The following POLA1 variants were observed in gnomAD, a reference collection of about 807,000 sequenced individuals.
The protein encoded by POLA1 is DNA polymerase alpha 1, catalytic subunit, also known as DNA polymerase alpha catalytic subunit.
POLA1 carries 15 observed loss-of-function variants against 124.0 expected under a neutral mutation model. The observed-to-expected ratio is 0.12, with a 90% CI of 0.08 to 0.19. The LOEUF is 0.19. Among genes scored for constraint, POLA1 ranks in the 10% least tolerant of loss-of-function variants. POLA1 has a pLI of 1.00. For synonymous variants in POLA1, 408 were observed against 389.4 expected (o/e 1.05, Z -0.56); for missense variants, 886 against 1,103.4 (o/e 0.80, Z 2.79).
chrX:24,969,386 G>A (rs1295856834), intron 36 of POLA1, among the ~76,000 whole-genome samples: 1 of 110,372 alleles, frequency 9.1e-6, no homozygotes, highest in East Asian at 2.8e-4. Flanking sequence ...GCATCCCCAT[G>A]CACCCCAGGA....
chrX:24,788,699 G>T, intron 26 of POLA1: 1 of 1,204,358 alleles, frequency 8.3e-7, no homozygotes, highest in East Asian at 3.0e-5. Context: ...TTCATATTGT[G>T]CAAGACGTTC....
chrX:24,982,968 T>C lies in POLA1; in HGVS notation c.4262-12837T>C, dbSNP rs181388995. Reference sequence around the variant, plus strand: ...CATTTTAAAAATTATATAAATAAGCTATAATCTGTGCTCAAAATAATTGAG... The same window carrying C: ...CATTTTAAAAATTATATAAATAAGCCATAATCTGTGCTCAAAATAATTGAG... On this transcript the variant is annotated intron_variant, in intron 36 of 36. Coordinates refer to ENST00000379068, the MANE Select transcript of POLA1 (RefSeq NM_001330360.2). Among the ~76,000 whole-genome samples, 274 of 112,468 alleles carry C rather than the reference T, an allele frequency of 2.4e-3. 5 individuals carry two copies. Among genetic ancestry groups the C allele is most frequent in the Admixed American group, 0.024 (253 of 10,596 alleles).
intron 15 of POLA1, among the ~76,000 whole-genome samples, chrX:24,729,740 T>A (rs1930773566): frequency 2.7e-5 from 3 of 111,502 alleles, no homozygotes; most frequent in South Asian, 3.8e-4. Context: ...GGATCTTTTT[T>A]AACAGCATTT....
intron 26 of POLA1, among the ~76,000 whole-genome samples, chrX:24,774,385 A>G: frequency 8.9e-6 from 1 of 112,145 alleles, no homozygotes; most frequent in Non-Finnish European, 1.9e-5. Flanking sequence ...ACAAGAAAAT[A>G]GAAGATTGTT....
In POLA1 at chrX:24,720,686, CTTCT is replaced by C. The variant is rs760031818; in HGVS notation, c.1088-2459_1088-2456del. Reference sequence around the variant, plus strand: ...GATTAGAACCTTAAGAAGCAACAACCTTCTTTCTTTCTTATTTGAAAATGAGTTG... The same window carrying C: ...GATTAGAACCTTAAGAAGCAACAACCTTCTTTCTTATTTGAAAATGAGTTG... On this transcript the variant is annotated intron_variant, in intron 10 of 36. Transcript: ENST00000379068. Among the ~76,000 whole-genome samples, 4 of 111,950 alleles carry C rather than the reference CTTCT, an allele frequency of 3.6e-5. No individual in the cohort carries two copies. The East Asian group carries it at 1.1e-3, about 31-fold the overall frequency.
At chrX:24,728,055 T>G (rs1930652765) in intron 15 of POLA1, 119 bp downstream of exon 15, 1 of 496,716 alleles carries the variant, frequency 2.0e-6, no homozygotes, top group Non-Finnish European at 3.2e-6. Context: ...ACTAATTCAC[T>G]ACTAAACTCT....
At chrX:24,820,359 C>G (rs1425568714) in intron 30 of POLA1, among the ~76,000 whole-genome samples, 1 of 111,533 alleles carries the variant, frequency 9.0e-6, no homozygotes. Flanking sequence ...GCAGTCCACA[C>G]TTTGAGAACG....
At chrX:24,936,776 C>A (rs2047854160) in intron 36 of POLA1, among the ~76,000 whole-genome samples, 1 of 111,615 alleles carries the variant, frequency 9.0e-6, no homozygotes, top group African/African-American at 3.3e-5. Context: ...TGTGATCCAC[C>A]CGCCTCGGCC....
intron 36 of POLA1, among the ~76,000 whole-genome samples, chrX:24,934,635 A>G (rs780128560): frequency 8.9e-6 from 1 of 112,469 alleles, no homozygotes; most frequent in Admixed American, 9.4e-5. Flanking sequence ...TGCTATAACA[A>G]AGTACCATGG....
chrX:24,735,749 CATAA>C (rs1341254934), intron 18 of POLA1, among the ~76,000 whole-genome samples: 4 of 111,230 alleles, frequency 3.6e-5, no homozygotes, highest in Non-Finnish European at 5.7e-5. Context: ...GAGACCAGCA[CATAA>C]ATAAGTAAAC....
At chrX:24,905,976 G>A (rs1191240101) in intron 35 of POLA1, among the ~76,000 whole-genome samples, 1 of 112,286 alleles carries the variant, frequency 8.9e-6, no homozygotes, top group Non-Finnish European at 1.9e-5. Context: ...ACTGCTGCAA[G>A]GATGGCCATA....
At chrX:24,916,005 T>A (rs1048311204) in intron 35 of POLA1, among the ~76,000 whole-genome samples, 2 of 112,128 alleles carry the variant, frequency 1.8e-5, no homozygotes, top group Non-Finnish European at 3.8e-5. Flanking sequence ...TCTGTTATAG[T>A]CATAGAAGAT....
At chrX:24,956,617 G>C (rs2048109943) in intron 36 of POLA1, among the ~76,000 whole-genome samples, 1 of 111,059 alleles carries the variant, frequency 9.0e-6, no homozygotes, top group African/African-American at 3.3e-5. Flanking sequence ...GCATATTTAA[G>C]GCTCAGAGGT....
At chrX:24,976,616 A>G (rs933017416) in intron 36 of POLA1, among the ~76,000 whole-genome samples, 1 of 112,557 alleles carries the variant, frequency 8.9e-6, no homozygotes, top group Non-Finnish European at 1.9e-5. Flanking sequence ...GAAATGGACA[A>G]TGATTGCTTC....
intron 32 of POLA1, among the ~76,000 whole-genome samples, chrX:24,839,189 C>T (rs190889230): frequency 5.3e-4 from 59 of 111,469 alleles, no homozygotes; most frequent in African/African-American, 1.8e-3. Context: ...TCATTATATA[C>T]CTAATATTTT....
At chrX:24,842,224 G>A (rs1387792770) in intron 33 of POLA1, among the ~76,000 whole-genome samples, 1 of 112,051 alleles carries the variant, frequency 8.9e-6, no homozygotes, top group Non-Finnish European at 1.9e-5. Flanking sequence ...TGGGAACTAA[G>A]TGTTTTGGGA....
intron 35 of POLA1, among the ~76,000 whole-genome samples, chrX:24,901,088 C>G (rs1430698095): frequency 9.0e-6 from 1 of 111,634 alleles, no homozygotes; most frequent in African/African-American, 3.3e-5. Context: ...AAATTAAGTC[C>G]CTGTCCTCAT....
intron 35 of POLA1, among the ~76,000 whole-genome samples, chrX:24,905,995 G>C (rs1008974224): frequency 8.9e-6 from 1 of 112,457 alleles, no homozygotes; most frequent in African/African-American, 3.2e-5. Context: ...TAATTTAAAA[G>C]TCAGAAAATA....
intron 32 of POLA1, among the ~76,000 whole-genome samples, chrX:24,829,347 GT>G (rs1224792839): frequency 4.5e-5 from 5 of 111,680 alleles, no homozygotes; most frequent in Non-Finnish European, 9.4e-5. Context: ...CTTGACAGTG[GT>G]TTTTATATCG....
Sources: gnomAD v4.1 joint callset for allele counts (sites outside exome capture counted in the v4.1 genomes callset) on GRCh38, gnomAD v4.1.1 for gene constraint, MANE v1.5 for transcripts, NCBI Gene and HGNC (gene_info 2026-07-23, HGNC 2026-07-21) for gene names.